Variants in RALGPS1 observed in about 807,000 individuals in gnomAD.
RALGPS1 encodes Ral GEF with PH domain and SH3 binding motif 1.
Under a neutral mutation model 78.8 loss-of-function variants are expected in RALGPS1, and 19 were observed. That is an observed-to-expected ratio of 0.24 (90% CI 0.17 to 0.35). The LOEUF (loss-of-function observed/expected upper bound fraction) is 0.35. RALGPS1 is among the 10% of genes least tolerant of loss of function. The probability of loss-of-function intolerance (pLI) is 1.00; values close to 1 mark genes in which losing one functional copy is unlikely to be tolerated. For synonymous variants in RALGPS1, 228 were observed against 256.3 expected, an observed-to-expected ratio of 0.89 and a Z score of 1.06; for missense variants, 454 against 688.3, an observed-to-expected ratio of 0.66 and a Z score of 3.81.
In RALGPS1 at chr9:127,183,777, G is replaced by A; in HGVS notation, c.910+8995G>A. ...GCCCGTTTATATTTTCGGAATGGAT[G>A]GGTGGGAGGGGCCCTCCATGAGGAC... On this transcript the variant is annotated intron_variant, in intron 11 of 18. Coordinates refer to ENST00000259351, the MANE Select transcript of RALGPS1 (RefSeq NM_014636.3). This position sits in a 1 kb window ranked among gnomAD's most constrained non-coding sequence, Gnocchi z 4.0. 8.9e-7 allele frequency: 1 copy of A among 1,120,940 alleles called. No individual in the cohort carries two copies. 69.4% of individuals were successfully genotyped at this position (1,120,940 alleles called of 1,614,324 possible). A position where few individuals can be genotyped will look rare whatever the true frequency, so the allele number is the denominator to read the frequency against.
intron 4 of RALGPS1, among the ~76,000 whole-genome samples, chr9:127,003,716 T>A (rs555509321): frequency 8.5e-5 from 13 of 152,306 alleles, no homozygotes; most frequent in African/African-American, 2.9e-4. Flanking sequence ...AATTATTTTT[T>A]AAAATTTTAT....
At chr9:127,148,116 T>C (rs1237427606) in intron 8 of RALGPS1, among the ~76,000 whole-genome samples, 1 of 152,234 alleles carries the variant, frequency 6.6e-6, no homozygotes, top group African/African-American at 2.4e-5. Context: ...AGCACACATG[T>C]CTTAGAAATA....
intron 4 of RALGPS1, among the ~76,000 whole-genome samples, chr9:127,001,149 A>G (rs1048494114): frequency 6.7e-6 from 1 of 149,434 alleles, no homozygotes; most frequent in Non-Finnish European, 1.5e-5. Context: ...TTAACTGGGC[A>G]TGGTGGTGCA....
intron 8 of RALGPS1, among the ~76,000 whole-genome samples, chr9:127,095,588 C>T (rs1016150148): frequency 6.6e-6 from 1 of 152,216 alleles, no homozygotes; most frequent in African/African-American, 2.4e-5. Flanking sequence ...CTCTGACGCC[C>T]TGCAAGGGAG....
At chr9:127,035,281 C>A (rs2046770282) in intron 5 of RALGPS1, among the ~76,000 whole-genome samples, 1 of 152,168 alleles carries the variant, frequency 6.6e-6, no homozygotes, top group Non-Finnish European at 1.5e-5. Flanking sequence ...GGCCTGATCC[C>A]TGGCCTTGCA....
At chr9:127,160,533 A>G (rs570108673) in intron 8 of RALGPS1, among the ~76,000 whole-genome samples, 1 of 152,286 alleles carries the variant, frequency 6.6e-6, no homozygotes, top group South Asian at 2.1e-4. Flanking sequence ...GCAGAGCCCA[A>G]GCATGGTCTG....
chr9:127,164,628 C>A (rs971980283), intron 8 of RALGPS1, among the ~76,000 whole-genome samples: 3 of 150,596 alleles, frequency 2.0e-5, no homozygotes, highest in African/African-American at 7.3e-5. Context: ...CAGCCTCCAC[C>A]TCCTGGGCTC....
chr9:127,096,016 C>G (rs886282548), intron 8 of RALGPS1, among the ~76,000 whole-genome samples: 1 of 152,166 alleles, frequency 6.6e-6, no homozygotes, highest in East Asian at 1.9e-4. Flanking sequence ...GAGGAAGGAT[C>G]TTCTCACCCA....
At chr9:127,053,447 T>C (rs571433478) in intron 7 of RALGPS1, among the ~76,000 whole-genome samples, 4 of 152,228 alleles carry the variant, frequency 2.6e-5, no homozygotes, top group Non-Finnish European at 5.9e-5. Flanking sequence ...TAATTGAGTC[T>C]GTAGGAAAGT....
chr9:127,003,245 C>T (rs890198636), intron 4 of RALGPS1, among the ~76,000 whole-genome samples: 1 of 152,088 alleles, frequency 6.6e-6, no homozygotes, highest in Admixed American at 6.5e-5. Context: ...GCAAAAGAAA[C>T]TACCATCAGA....
intron 1 of RALGPS1, among the ~76,000 whole-genome samples, chr9:126,960,241 CT>C (rs35409028): frequency 0.41 from 44,718 of 109,756 alleles, 10,862 homozygotes; most frequent in Non-Finnish European, 0.52. Context: ...TCCTTTCTTC[CT>C]TTTTTTTTTT....
At chr9:127,051,856 A>G (rs1408633202) in intron 6 of RALGPS1, among the ~76,000 whole-genome samples, 1 of 152,234 alleles carries the variant, frequency 6.6e-6, no homozygotes, top group Non-Finnish European at 1.5e-5. Context: ...CCAGTGTGCT[A>G]CAGATATGCA....
At position 126,962,295 on chromosome 9, in the gene RALGPS1, C is replaced by T; in HGVS notation, c.6C>T (p.Tyr2=). 1 of 1,614,140 alleles carries T rather than the reference C, an allele frequency of 6.2e-7. No homozygotes were observed. The highest frequency in any genetic ancestry group is 8.5e-7 in the Non-Finnish European group (1 of 1,180,000). Residue 2 remains tyrosine, a synonymous_variant, in exon 2 of 19, where the codon TAC becomes TAT. Coordinates refer to ENST00000259351, the MANE Select transcript of RALGPS1 (RefSeq NM_014636.3). M[Y]KRNGLMASVL... Reference sequence around the variant, plus strand: ...CTCCCTGTGGCCTGGAGACTATGTACAAGAGGAATGGTCTGATGGCTAGCG... The same window carrying T: ...CTCCCTGTGGCCTGGAGACTATGTATAAGAGGAATGGTCTGATGGCTAGCG...
intron 5 of RALGPS1, among the ~76,000 whole-genome samples, chr9:127,038,649 A>G (rs917537647): frequency 2.6e-5 from 4 of 152,204 alleles, no homozygotes; most frequent in African/African-American, 4.8e-5. Context: ...GGGGTCAACA[A>G]TAAACAAATT....
intron 8 of RALGPS1, among the ~76,000 whole-genome samples, chr9:127,082,903 AAC>A (rs1476363529): frequency 1.3e-5 from 2 of 152,080 alleles, no homozygotes; most frequent in African/African-American, 4.8e-5. Context: ...CCTATTGAGA[AAC>A]ACAGCATACC....
At chr9:127,213,185 G>A (rs1258106854) in intron 17 of RALGPS1, 136 bp downstream of exon 17, 2 of 1,450,716 alleles carry the variant, frequency 1.4e-6, no homozygotes, top group African/African-American at 2.9e-5. Flanking sequence ...CGTTCATGGG[G>A]TCCATGCTAG....
intron 7 of RALGPS1, among the ~76,000 whole-genome samples, chr9:127,068,662 G>T (rs1206343715): frequency 6.6e-6 from 1 of 152,198 alleles, no homozygotes; most frequent in African/African-American, 2.4e-5. Context: ...GCCCAGGAGA[G>T]AATTCAAGGG....
intron 4 of RALGPS1, chr9:126,990,288 T>C: frequency 6.0e-6 from 2 of 331,940 alleles, no homozygotes; most frequent in Non-Finnish European, 1.1e-5. Flanking sequence ...TCCACTGCCA[T>C]CCCTCCCCTG....
At chr9:127,192,086 A>C (rs1365131258) in intron 11 of RALGPS1, among the ~76,000 whole-genome samples, 4 of 152,214 alleles carry the variant, frequency 2.6e-5, no homozygotes, top group Admixed American at 6.5e-5. Flanking sequence ...AGGCGGTGAC[A>C]TGGTTAGCTT....
Sources: gnomAD v4.1 joint callset for allele counts (sites outside exome capture counted in the v4.1 genomes callset) on GRCh38, gnomAD v4.1.1 for gene constraint, Gnocchi (gnomAD v3.1) non-coding constraint, MANE v1.5 for transcripts, NCBI Gene and HGNC (gene_info 2026-07-23, HGNC 2026-07-21) for gene names.